DENND1B: variants seen among roughly 807,000 people sequenced by gnomAD.
DENND1B encodes DENN domain containing 1B.
A neutral mutation model predicts 90.1 loss-of-function variants in DENND1B; 59 were observed. That is an observed-to-expected ratio of 0.65 (90% CI 0.53 to 0.81). DENND1B has a LOEUF of 0.81. Among genes scored for constraint, DENND1B ranks in the 40% least tolerant of loss-of-function variants. The pLI is 0.00. For missense variants in DENND1B, 862 were observed against 912.6 expected (o/e 0.94, Z 0.71); for synonymous variants, 337 against 324.6 (o/e 1.04, Z -0.41).
At chr1:197,620,917 T>A (rs559085820) in intron 10 of DENND1B, among the ~76,000 whole-genome samples, 1 of 151,422 alleles carries the variant, frequency 6.6e-6, no homozygotes, top group Non-Finnish European at 1.5e-5. Flanking sequence ...GGAGCTATTT[T>A]AGATAGGAGG....
chr1:197,744,034 T>C (rs936153197), intron 2 of DENND1B, among the ~76,000 whole-genome samples: 2 of 152,220 alleles, frequency 1.3e-5, no homozygotes, highest in Non-Finnish European at 2.9e-5. Context: ...AGTCACATAT[T>C]AAGGATTTAC....
At chr1:197,777,057 A>G (rs1052046229), upstream of DENND1B, among the ~76,000 whole-genome samples, 1 of 152,160 alleles carries the variant, frequency 6.6e-6, no homozygotes, top group South Asian at 2.1e-4. Flanking sequence ...TCTTTTCCCA[A>G]ATAAAGATTT....
chr1:197,755,037 C>G (rs888100520), intron 2 of DENND1B, among the ~76,000 whole-genome samples: 3 of 152,190 alleles, frequency 2.0e-5, no homozygotes, highest in Non-Finnish European at 4.4e-5. Flanking sequence ...GCTACCCTAA[C>G]TTCCAATTTC....
chr1:197,540,222 C>A lies in DENND1B; in HGVS notation c.1408-151G>T, dbSNP rs1255093505. On this transcript the variant is annotated intron_variant, in intron 19 of 22. Transcript: ENST00000620048. The stretch of plus-strand genomic sequence containing the variant: ...AAAGAATCTATTTAAGAAGAAAATG[C>A]ATTTTTCTATAATCAAAATTAATAA... 8.1e-6 allele frequency: 3 copies of A among 370,998 alleles called. No homozygotes were observed. The South Asian group carries it at 3.9e-4, about 48-fold the overall frequency. 23.0% of individuals were successfully genotyped at this position (370,998 alleles called of 1,614,324 possible).
At chr1:197,670,907 T>C (rs185445567) in intron 5 of DENND1B, among the ~76,000 whole-genome samples, 33 of 152,202 alleles carry the variant, frequency 2.2e-4, no homozygotes, top group Admixed American at 1.2e-3. Context: ...TTAAGCACAA[T>C]TTTTATCCAG....
rs371689090 is a variant in DENND1B, at chr1:197,659,805, C to A, written c.297-1436G>T. Among the ~76,000 whole-genome samples the A allele has an allele frequency of 2.6e-5, 4 of 152,004 alleles. No individual in the cohort carries two copies. In the East Asian group the frequency reaches 7.7e-4, roughly 29 times the overall value. On this transcript the variant is annotated intron_variant, in intron 5 of 22. Coordinates refer to ENST00000620048, the MANE Select transcript of DENND1B (RefSeq NM_001195215.2). The stretch of plus-strand genomic sequence containing the variant: ...CAGTATCTCAAAGAAAAAAGCCCCT[C>A]GAAGTCCTATTTTCTTGGAATGAAA...
rs950287870 is a variant in DENND1B at position 197,509,693 on chromosome 1, T to C, written c.*767A>G. On this transcript the variant is annotated 3_prime_UTR_variant, in exon 23 of 23. Transcript: ENST00000620048. Reference sequence around the variant, plus strand: ...GGCTTTCTTGGGGTGGACCCCTAAATAGCAAAGGCATACAGAGAGACTGAA... The same window carrying C: ...GGCTTTCTTGGGGTGGACCCCTAAACAGCAAAGGCATACAGAGAGACTGAA... 3.3e-5 allele frequency: 5 copies of C among 151,400 alleles called. No individual in the cohort carries two copies. Among genetic ancestry groups the C allele is most frequent in the Non-Finnish European group, 7.4e-5 (5 of 67,608 alleles). 9.4% of individuals were successfully genotyped at this position (151,400 alleles called of 1,614,324 possible).
At chr1:197,653,359 G>A (rs956867862) in intron 6 of DENND1B, among the ~76,000 whole-genome samples, 1 of 151,846 alleles carries the variant, frequency 6.6e-6, no homozygotes, top group Non-Finnish European at 1.5e-5. Context: ...TTTACCTCTT[G>A]GACTTTTAAA....
Position 197,506,568 on chromosome 1 carries a change from T to C in DENND1B, c.*3892A>G, listed in dbSNP as rs1667740355. On this transcript the variant is annotated 3_prime_UTR_variant, in exon 23 of 23. Transcript: ENST00000620048. ...CAGTCTTTTCCTGAAAATCCACATT[T>C]TCTACAAGAGAATGAAGGTCTATTG... The C allele has an allele frequency of 6.6e-6, 1 of 151,506 alleles. No individual in the cohort carries two copies. Among genetic ancestry groups the C allele is most frequent in the Non-Finnish European group, 1.5e-5 (1 of 67,606 alleles). 9.4% of individuals were successfully genotyped at this position (151,506 alleles called of 1,614,324 possible).
chr1:197,770,730 A>C (rs1656406257), intron 2 of DENND1B, among the ~76,000 whole-genome samples: 1 of 142,218 alleles, frequency 7.0e-6, no homozygotes, highest in African/African-American at 2.6e-5. Flanking sequence ...ATCTATAAAT[A>C]TATATAAATA....
At chr1:197,630,496 T>C (rs1679231483) in intron 10 of DENND1B, among the ~76,000 whole-genome samples, 1 of 152,092 alleles carries the variant, frequency 6.6e-6, no homozygotes, top group African/African-American at 2.4e-5. Context: ...AATACTATCA[T>C]ATTAGGTTTT....
upstream of DENND1B, among the ~76,000 whole-genome samples, chr1:197,776,542 A>C (rs571908561): frequency 6.6e-6 from 1 of 152,310 alleles, no homozygotes; most frequent in East Asian, 1.9e-4. Flanking sequence ...TTCTTCCAAA[A>C]GGTGGTTACT....
rs528397624 is a variant in DENND1B, at chr1:197,646,374, T to C, written c.508-631A>G. Among the ~76,000 whole-genome samples the C allele has an allele frequency of 1.1e-4, 17 of 152,108 alleles. No homozygotes were observed. In the South Asian group the frequency reaches 3.5e-3, roughly 32 times the overall value. On this transcript the variant is annotated intron_variant, in intron 8 of 22. Transcript: ENST00000620048. ...CATCTGCCAAATATTAATTAGCTTC[T>C]ATAATGTTCAAAGAAGTAAAACAGT...
intron 20 of DENND1B, among the ~76,000 whole-genome samples, chr1:197,518,715 C>T (rs1022830431): frequency 6.6e-6 from 1 of 151,762 alleles, no homozygotes; most frequent in African/African-American, 2.4e-5. Context: ...AATGCAAACT[C>T]AAGAAGGCTT....
chr1:197,765,713 A>G (rs545789098), intron 2 of DENND1B, among the ~76,000 whole-genome samples: 8 of 152,262 alleles, frequency 5.3e-5, no homozygotes, highest in Non-Finnish European at 1.2e-4. Flanking sequence ...GCAGAGGCCA[A>G]GCAGCCTCTG....
Position 197,571,992 on chromosome 1 carries a change from T to G in DENND1B, c.1149+11160A>C, listed in dbSNP as rs561252122. ...AACAGCTCTGGTCTGCAGCTCCCAGTGTGATCGATGCAGAAGACAGGTGAT... is the reference window on the plus strand; with the variant it reads ...AACAGCTCTGGTCTGCAGCTCCCAGGGTGATCGATGCAGAAGACAGGTGAT... On this transcript the variant is annotated intron_variant, in intron 15 of 22. Transcript: ENST00000620048. Among the ~76,000 whole-genome samples, 61 of 152,158 alleles carry G rather than the reference T, an allele frequency of 4.0e-4. 1 individual carries two copies. The highest frequency in any genetic ancestry group is 1.4e-3 in the African/African-American group (58 of 41,526).
intron 14 of DENND1B, among the ~76,000 whole-genome samples, chr1:197,587,653 A>G (rs979858010): frequency 6.6e-6 from 1 of 152,174 alleles, no homozygotes; most frequent in African/African-American, 2.4e-5. Context: ...GTGGTCCCCA[A>G]ACTTCTTGGC....
chr1:197,684,649 C>T (rs1314037620), intron 3 of DENND1B, among the ~76,000 whole-genome samples: 2 of 151,858 alleles, frequency 1.3e-5, no homozygotes, highest in Non-Finnish European at 2.9e-5. Context: ...GAAATTATAC[C>T]GTGAGGCCAA....
At chr1:197,747,847 G>T (rs1182592788) in intron 2 of DENND1B, among the ~76,000 whole-genome samples, 2 of 152,160 alleles carry the variant, frequency 1.3e-5, no homozygotes, top group African/African-American at 2.4e-5. Context: ...TGTGATTCAG[G>T]GGCAAGGAAA....
Sources: gnomAD v4.1 joint callset for allele counts (sites outside exome capture counted in the v4.1 genomes callset) on GRCh38, gnomAD v4.1.1 for gene constraint, MANE v1.5 for transcripts, NCBI Gene and HGNC (gene_info 2026-07-23, HGNC 2026-07-21) for gene names.